Variants in RFX4 observed in about 807,000 individuals in gnomAD.
RFX4 encodes regulatory factor X4.
A neutral mutation model predicts 95.0 loss-of-function variants in RFX4; 10 were observed. The observed-to-expected ratio is 0.11, with a 90% confidence interval of 0.06 to 0.18. The LOEUF (loss-of-function observed/expected upper bound fraction) is 0.18. RFX4 is among the 10% of genes least tolerant of loss of function. RFX4 has a pLI of 1.00. For synonymous variants in RFX4, 321 were observed against 340.7 expected, an observed-to-expected ratio of 0.94 and a Z score of 0.64; for missense variants, 640 against 922.0, an observed-to-expected ratio of 0.69 and a Z score of 3.96.
intron 9 of RFX4, among the ~76,000 whole-genome samples, chr12:106,710,958 C>T (rs928040390): frequency 6.6e-6 from 1 of 152,152 alleles, no homozygotes; most frequent in Non-Finnish European, 1.5e-5. Context: ...ATAAAAAGGA[C>T]AGATTATGAA....
chr12:106,654,325 C>CCTGT lies in RFX4; in HGVS notation c.291_294dup (p.Asn99CysfsTer45). On this transcript the variant is annotated frameshift_variant, in exon 4 of 18. Coordinates refer to ENST00000392842, the MANE Select transcript of RFX4 (RefSeq NM_213594.3). LOFTEE classifies it high-confidence loss of function. Reference sequence around the variant, plus strand: ...TTTCTGCGAGAAGAATGATACCCAACCTGTCAATGCTGCCAGCTTTGGAAA... The same window carrying CCTGT: ...TTTCTGCGAGAAGAATGATACCCAACCTGTCTGTCAATGCTGCCAGCTTTGGAAA... 1 of 1,614,020 alleles carries CCTGT rather than the reference C, an allele frequency of 6.2e-7. No homozygotes were observed. The highest frequency in any genetic ancestry group is 8.5e-7 in the Non-Finnish European group (1 of 1,179,948).
Position 106,720,863 on chromosome 12 carries a change from C to T in RFX4, c.1338C>T (p.Ser446=), listed in dbSNP as rs748778030. 37 of 1,612,586 alleles carry T rather than the reference C, an allele frequency of 2.3e-5. No individual in the cohort carries two copies. Among genetic ancestry groups the T allele is most frequent in the Middle Eastern group, 2.0e-4 (1 of 4,956 alleles). ...TRVIRDMTLH[S]APSFGSFHLI... is the part of the protein sequence containing the mutation. ...TGATCCGGGACATGACCTTGCACAG[C>T]GCCCCCAGCTTCGGTAAGGCCACCC... is the stretch of plus-strand genomic sequence containing the variant. Residue 446 remains serine (S), a synonymous_variant, in exon 13 of 18, where the codon AGC becomes AGT. Coordinates refer to ENST00000392842, the MANE Select transcript of RFX4 (RefSeq NM_213594.3). The surrounding 1 kb of genome is among the most constrained non-coding windows in gnomAD (Gnocchi z 4.2).
intron 4 of RFX4, among the ~76,000 whole-genome samples, chr12:106,672,168 A>G (rs952936398): frequency 6.6e-6 from 1 of 152,278 alleles, no homozygotes; most frequent in South Asian, 2.1e-4. Context: ...AATTGCACCC[A>G]CAAAATGATG....
rs1218666662 is a variant in RFX4, at chr12:106,608,948, A to G, written c.130+65A>G. On this transcript the variant is annotated intron_variant, in intron 2 of 17. Transcript: ENST00000392842. ...ATGGCCAATGTCCTGATGGGAGGGTAGTGCCACTAGATTGCTAGGCTGGGC... is the reference window on the plus strand; with the variant it reads ...ATGGCCAATGTCCTGATGGGAGGGTGGTGCCACTAGATTGCTAGGCTGGGC... 4.8e-6 allele frequency: 7 copies of G among 1,464,212 alleles called. No individual in the cohort carries two copies. In the African/African-American group the frequency reaches 7.1e-5, roughly 15 times the overall value. The allele number at this position is 1,464,212 out of a possible 1,614,324, so 90.7% of individuals were successfully genotyped here.
rs540883809 is a variant in RFX4 at position 106,761,278 on chromosome 12, C to A, written c.2017C>A (p.Pro673Thr). 19 of 1,614,162 alleles carry A rather than the reference C, an allele frequency of 1.2e-5. No individual in the cohort carries two copies. The East Asian group carries it at 1.6e-4, about 13-fold the overall frequency. ...TPRLHPTPVT[P>T]RWPEVPSANT... The stretch of plus-strand genomic sequence containing the variant: ...CAGACTGCATCCTACCCCAGTCACT[C>A]CCCGCTGGCCAGAGGTGCCCTCAGC... Residue 673 changes from proline (P) to threonine (T), a missense_variant, in exon 18 of 18, where the codon CCC (proline) becomes ACC (threonine). Transcript: ENST00000392842.
intron 5 of RFX4, chr12:106,682,346 T>C (rs2041532217): frequency 2.2e-6 from 1 of 450,510 alleles, no homozygotes; most frequent in Non-Finnish European, 4.0e-6. Flanking sequence ...ATTGAAAGGA[T>C]TGCCTTGTGG....
intron 17 of RFX4, among the ~76,000 whole-genome samples, chr12:106,758,111 T>C (rs954056200): frequency 6.6e-6 from 1 of 152,226 alleles, no homozygotes; most frequent in African/African-American, 2.4e-5. Context: ...CAGAGATCTC[T>C]GGACCCTGGA....
At chr12:106,719,121 C>CAAAAACA (rs922750424) in intron 11 of RFX4, among the ~76,000 whole-genome samples, 60 of 151,754 alleles carry the variant, frequency 4.0e-4, no homozygotes, top group Middle Eastern at 6.8e-3. Context: ...GACTCCATCT[C>CAAAAACA]AAAAACAAAA....
intron 8 of RFX4, among the ~76,000 whole-genome samples, chr12:106,708,554 C>G (rs536989008): frequency 3.3e-5 from 5 of 152,132 alleles, no homozygotes; most frequent in South Asian, 2.1e-4. Flanking sequence ...AAGGCTGAAC[C>G]AGGGCAGGCT....
intron 2 of RFX4, among the ~76,000 whole-genome samples, chr12:106,629,843 A>C (rs767268439): frequency 2.0e-5 from 3 of 151,958 alleles, no homozygotes; most frequent in Non-Finnish European, 2.9e-5. Context: ...CAGCCTCCCA[A>C]AGTGTTGGGA....
At chr12:106,684,879 A>T in intron 5 of RFX4, 1 of 1,609,916 alleles carries the variant, frequency 6.2e-7, no homozygotes, top group Non-Finnish European at 8.5e-7. Flanking sequence ...TAGATTCGAG[A>T]TGCCCACTAA....
intron 7 of RFX4, among the ~76,000 whole-genome samples, chr12:106,692,586 G>T (rs1177331999): frequency 1.3e-5 from 2 of 152,120 alleles, no homozygotes; most frequent in Non-Finnish European, 2.9e-5. Context: ...TATTCCTAAG[G>T]AAATCATCTC....
At chr12:106,599,939 C>G (rs995474667) in intron 1 of RFX4, among the ~76,000 whole-genome samples, 1 of 152,078 alleles carries the variant, frequency 6.6e-6, no homozygotes, top group Non-Finnish European at 1.5e-5. Flanking sequence ...CTTCCATTCT[C>G]TCCCCTCTAA....
intron 2 of RFX4, among the ~76,000 whole-genome samples, chr12:106,637,249 A>G (rs947453436): frequency 1.3e-5 from 2 of 152,196 alleles, no homozygotes; most frequent in Admixed American, 6.5e-5. Context: ...AGGTGGGTAC[A>G]TGTAGGTTTT....
chr12:106,633,197 T>G (rs2040450561), intron 2 of RFX4, among the ~76,000 whole-genome samples: 1 of 152,058 alleles, frequency 6.6e-6, no homozygotes, highest in Non-Finnish European at 1.5e-5. Context: ...CCAGCAGAGG[T>G]GGACAGCACC....
rs1325018241 is a variant in RFX4 at position 106,608,856 on chromosome 12, T to C, written c.103T>C (p.Ser35Pro). 4.3e-6 allele frequency: 7 copies of C among 1,612,856 alleles called. No homozygotes were observed. The highest frequency in any genetic ancestry group is 3.3e-5 in the South Asian group (3 of 90,776). ...SENKRYSSHTSLGNVSNDENE... is the reference protein window; with the variant it reads ...SENKRYSSHTPLGNVSNDENE... Reference sequence around the variant, plus strand: ...AAACAAACGTTATTCCAGCCACACATCTCTGGGGAATGTTTCTAATGATGA... The same window carrying C: ...AAACAAACGTTATTCCAGCCACACACCTCTGGGGAATGTTTCTAATGATGA... Residue 35 changes from serine to proline, a missense_variant, in exon 2 of 18, where the codon TCT becomes CCT. Around this residue, in one of 7 missense-constraint regions of RFX4, gnomAD observed 63 missense variants for 68.8 expected, o/e 0.92. Transcript: ENST00000392842.
chr12:106,683,466 G>GGAAAAAAA, intron 5 of RFX4: 1 of 50,816 alleles, frequency 2.0e-5, no homozygotes, highest in Non-Finnish European at 3.4e-5. Context: ...TGACTATTCT[G>GGAAAAAAA]AAAAAAAAAA....
At chr12:106,726,966 T>A (rs1176609834) in intron 13 of RFX4, among the ~76,000 whole-genome samples, 1 of 152,034 alleles carries the variant, frequency 6.6e-6, no homozygotes, top group Admixed American at 6.6e-5. Flanking sequence ...GAGAGGGGGT[T>A]TCACCATGTT....
chr12:106,664,185 C>T (rs1417893012), intron 4 of RFX4, among the ~76,000 whole-genome samples: 3 of 151,720 alleles, frequency 2.0e-5, no homozygotes, highest in South Asian at 4.1e-4. Context: ...CCCATCTGAA[C>T]CTGGTGCTTT....
Sources: gnomAD v4.1 joint callset for allele counts (sites outside exome capture counted in the v4.1 genomes callset) on GRCh38, gnomAD v4.1.1 for gene constraint, gnomAD v4.1.1 regional missense constraint, Gnocchi (gnomAD v3.1) non-coding constraint, MANE v1.5 for transcripts, NCBI Gene and HGNC (gene_info 2026-07-23, HGNC 2026-07-21) for gene names.